Variants in DYNLT2B observed in about 807,000 individuals in gnomAD.
DYNLT2B encodes the protein dynein light chain Tctex-type 2B, also known as dynein light chain Tctex-type protein 2B.
In DYNLT2B, 14 loss-of-function variants were observed where a neutral mutation model predicts 19.5. That is an observed-to-expected ratio of 0.72 (90% confidence interval 0.47 to 1.12). DYNLT2B has a LOEUF of 1.12. Among genes scored for constraint, DYNLT2B ranks in the 50% most tolerant of loss-of-function variants. The pLI is 0.00. For missense variants in DYNLT2B, 133 were observed against 174.7 expected (o/e 0.76, Z 1.35); for synonymous variants, 70 against 59.7 (o/e 1.17, Z -0.79).
chr3:196,302,158 G>GA (rs1726373522), intron 3 of DYNLT2B, among the ~76,000 whole-genome samples: 1 of 152,032 alleles, frequency 6.6e-6, no homozygotes, highest in Non-Finnish European at 1.5e-5. Flanking sequence ...AGAAAAATCA[G>GA]AAAAAAGCAT....
intron 3 of DYNLT2B, among the ~76,000 whole-genome samples, chr3:196,296,912 C>A (rs1195273638): frequency 6.6e-6 from 1 of 151,982 alleles, no homozygotes; most frequent in Non-Finnish European, 1.5e-5. Context: ...GGAGACACAG[C>A]AGGACCCTGG....
At chr3:196,306,445 G>A (rs200035765) in intron 3 of DYNLT2B, among the ~76,000 whole-genome samples, 1 of 148,764 alleles carries the variant, frequency 6.7e-6, no homozygotes, top group South Asian at 2.1e-4. Flanking sequence ...AAAAAAAAAA[G>A]AAAAGAAAGA....
Position 196,316,111 on chromosome 3 carries a change from T to G in DYNLT2B, c.234A>C (p.Lys78Asn), listed in dbSNP as rs757647519. 1 of 1,613,514 alleles carries G rather than the reference T, an allele frequency of 6.2e-7. No homozygotes were observed. The highest frequency in any genetic ancestry group is 1.1e-5 in the South Asian group (1 of 90,926). ...QLTKHLSENI[K>N]DKLKEMGFDR... is the part of the protein sequence containing the mutation. ...CACCATGATTACCTTTTAATTTATC[T>G]TTAATGTTTTCTGATAAATGTTTTG... Residue 78 changes from lysine to asparagine, a missense_variant, in exon 2 of 5, where the codon AAA (lysine) becomes AAC (asparagine). Transcript: ENST00000325318.
At chr3:196,308,931 C>A (rs1367136039) in intron 2 of DYNLT2B, among the ~76,000 whole-genome samples, 1 of 151,742 alleles carries the variant, frequency 6.6e-6, no homozygotes, top group Non-Finnish European at 1.5e-5. Flanking sequence ...AAAACCCACA[C>A]CATATCAGAG....
chr3:196,305,351 G>A (rs1288279830), intron 3 of DYNLT2B, among the ~76,000 whole-genome samples: 1 of 152,084 alleles, frequency 6.6e-6, no homozygotes, highest in African/African-American at 2.4e-5. Flanking sequence ...GGCTAATTAA[G>A]ACTAGATCTA....
rs1010372873 is a variant in DYNLT2B, at chr3:196,311,393, CCT to C, written c.248-4383_248-4382del. On this transcript the variant is annotated intron_variant, in intron 2 of 4. Coordinates refer to ENST00000325318, the MANE Select transcript of DYNLT2B (RefSeq NM_152773.5). ...TCCAGCCTGGCCAACAGAGTGAGAC[CCT>C]GTCTCAAAAAAAAAAAAAGAAGAAG... Among the ~76,000 whole-genome samples, 51 of 148,998 alleles carry C rather than the reference CCT, an allele frequency of 3.4e-4. 1 individual carries two copies. Among genetic ancestry groups the C allele is most frequent in the African/African-American group, 9.6e-4 (39 of 40,596 alleles).
In DYNLT2B at chr3:196,295,870, G is replaced by C. The variant is rs138255782; in HGVS notation, c.381+136C>G. 5.7e-4 allele frequency: 423 copies of C among 747,276 alleles called. 3 individuals carry two copies. The African/African-American group carries it at 6.7e-3, about 12-fold the overall frequency. The allele number at this position is 747,276 out of a possible 1,614,324, so 46.3% of individuals were successfully genotyped here. A position where few individuals can be genotyped will look rare whatever the true frequency, so the allele number is the denominator to read the frequency against. On this transcript the variant is annotated intron_variant, in intron 4 of 4. Transcript: ENST00000325318. Reference sequence around the variant, plus strand: ...TGCTTTAGTAACACAAAAACTAACAGTAAAATCATTTCATTCACAAGTCAA... The same window carrying C: ...TGCTTTAGTAACACAAAAACTAACACTAAAATCATTTCATTCACAAGTCAA...
chr3:196,313,855 T>C (rs1726702956), intron 2 of DYNLT2B, among the ~76,000 whole-genome samples: 1 of 152,134 alleles, frequency 6.6e-6, no homozygotes, highest in Admixed American at 6.6e-5. Context: ...TCCACCACTT[T>C]GGGAGGCCGA....
intron 2 of DYNLT2B, among the ~76,000 whole-genome samples, chr3:196,308,365 T>G (rs945784059): frequency 6.6e-6 from 1 of 151,942 alleles, no homozygotes; most frequent in African/African-American, 2.4e-5. Flanking sequence ...GCATGGGATC[T>G]CCAAGAAACT....
At chr3:196,294,116 C>T (rs1458215107) in intron 4 of DYNLT2B, among the ~76,000 whole-genome samples, 1 of 151,930 alleles carries the variant, frequency 6.6e-6, no homozygotes. Context: ...CTCTGGGAGG[C>T]CGAGGCGGGC....
At chr3:196,316,040 A>G (rs1726781529) in intron 2 of DYNLT2B, 58 bp downstream of exon 2, 1 of 1,568,470 alleles carries the variant, frequency 6.4e-7, no homozygotes. Flanking sequence ...GAGGGGGCAA[A>G]TGGGTAATAC....
chr3:196,317,281 T>TTGTG (rs200214901), intron 1 of DYNLT2B, among the ~76,000 whole-genome samples: 1 of 52,650 alleles, frequency 1.9e-5, no homozygotes, highest in Non-Finnish European at 3.9e-5. Context: ...TGTGTGTGTG[T>TTGTG]TGTGTGTGTG....
At chr3:196,298,111 G>A in intron 3 of DYNLT2B, 2 of 333,806 alleles carry the variant, frequency 6.0e-6, no homozygotes, top group Non-Finnish European at 5.9e-6. Context: ...AGTTGTGCCT[G>A]ATTTTATTAC....
intron 3 of DYNLT2B, among the ~76,000 whole-genome samples, chr3:196,303,885 C>T (rs768387406): frequency 1.3e-5 from 2 of 152,000 alleles, no homozygotes; most frequent in African/African-American, 2.4e-5. Flanking sequence ...AGTCCGGGTG[C>T]GGTAGATGAT....
chr3:196,317,103 T>A (rs1210989617), intron 1 of DYNLT2B, among the ~76,000 whole-genome samples: 1 of 100,890 alleles, frequency 9.9e-6, no homozygotes, highest in Non-Finnish European at 2.0e-5. Flanking sequence ...TTAGTGATCT[T>A]ACAAACCTGA....
intron 3 of DYNLT2B, among the ~76,000 whole-genome samples, chr3:196,301,770 G>C (rs1726362335): frequency 6.6e-6 from 1 of 151,264 alleles, no homozygotes; most frequent in African/African-American, 2.4e-5. Flanking sequence ...AGAGTGGGGA[G>C]GGTTAAAAAA....
chr3:196,300,730 CA>C (rs1171224774), intron 3 of DYNLT2B, among the ~76,000 whole-genome samples: 168 of 68,848 alleles, frequency 2.4e-3, no homozygotes, highest in African/African-American at 5.9e-3. Context: ...ACTCTGTCTC[CA>C]AAAAAAAAAA....
intron 3 of DYNLT2B, among the ~76,000 whole-genome samples, chr3:196,302,318 C>T (rs1387204440): frequency 1.3e-5 from 2 of 152,156 alleles, no homozygotes; most frequent in Non-Finnish European, 2.9e-5. Flanking sequence ...CATTCTCCAA[C>T]ACATTGAACA....
At chr3:196,299,111 G>A (rs537823916) in intron 3 of DYNLT2B, among the ~76,000 whole-genome samples, 4 of 148,784 alleles carry the variant, frequency 2.7e-5, no homozygotes, top group South Asian at 2.1e-4. Flanking sequence ...TTGAGATGGA[G>A]TTTCACTCTG....
Sources: gnomAD v4.1 joint callset for allele counts (sites outside exome capture counted in the v4.1 genomes callset) on GRCh38, gnomAD v4.1.1 for gene constraint, MANE v1.5 for transcripts, NCBI Gene and HGNC (gene_info 2026-07-23, HGNC 2026-07-21) for gene names.